The following EML5 variants were observed in gnomAD, a reference collection of about 807,000 sequenced individuals.
The protein encoded by EML5 is echinoderm microtubule-associated protein-like 5.
In EML5, 120 loss-of-function variants were observed where a neutral mutation model predicts 250.0. The observed-to-expected ratio is 0.48, with a 90% CI of 0.41 to 0.56. The LOEUF is 0.56. EML5 is among the 20% of genes least tolerant of loss of function. EML5 has a pLI of 0.00. For missense variants in EML5, 2,006 were observed against 2,437.6 expected (o/e 0.82, Z 3.73); for synonymous variants, 771 against 806.5 (o/e 0.96, Z 0.75).
At chr14:88,768,875 G>A (rs75626560) in intron 1 of EML5, among the ~76,000 whole-genome samples, 8,899 of 152,006 alleles carry the variant, frequency 0.059, 699 homozygotes, top group African/African-American at 0.17. Context: ...TTCTGGAAAG[G>A]GCTAGAGAGT....
chr14:88,638,291 TTCAAAACAGC>T (rs1181910373), intron 32 of EML5, among the ~76,000 whole-genome samples: 2 of 152,168 alleles, frequency 1.3e-5, no homozygotes, highest in East Asian at 3.9e-4. Flanking sequence ...ACAGGTATAT[TTCAAAACAGC>T]TCAAGACAGT....
intron 30 of EML5, 148 bp from the exon 31 acceptor site, chr14:88,643,170 C>T: frequency 1.4e-6 from 1 of 716,388 alleles, no homozygotes; most frequent in South Asian, 2.8e-5. Context: ...CAAAATTAAG[C>T]TACTCATACT....
chr14:88,780,699 C>A (rs1185617252), intron 1 of EML5, among the ~76,000 whole-genome samples: 1 of 152,162 alleles, frequency 6.6e-6, no homozygotes, highest in Non-Finnish European at 1.5e-5. Context: ...CCTCAGACTC[C>A]CAAGTACCTG....
chr14:88,670,488 C>A (rs920146502), intron 21 of EML5, among the ~76,000 whole-genome samples: 1 of 152,000 alleles, frequency 6.6e-6, no homozygotes, highest in South Asian at 2.1e-4. Context: ...GCTGCAAACT[C>A]AAAAAGCCAG....
rs557951996 is a variant in EML5, at chr14:88,714,262, C to A, written c.1444+677G>T. Among the ~76,000 whole-genome samples the A allele has an allele frequency of 3.6e-4, 55 of 152,266 alleles. 1 individual carries two copies. The South Asian group carries it at 1.0e-2, about 28-fold the overall frequency. The stretch of plus-strand genomic sequence containing the variant: ...TTGACTAAGATACAGTGGTACTTTA[C>A]CATACACTATACTCATGGTATGGTA... On this transcript the variant is annotated intron_variant, in intron 9 of 43. Coordinates refer to ENST00000554922, the MANE Select transcript of EML5 (RefSeq NM_183387.3).
intron 1 of EML5, among the ~76,000 whole-genome samples, chr14:88,780,584 T>C (rs564115944): frequency 6.6e-6 from 1 of 152,140 alleles, no homozygotes; most frequent in South Asian, 2.1e-4. Context: ...TTTTTTTTTT[T>C]CTTTTAAGAT....
intron 25 of EML5, among the ~76,000 whole-genome samples, chr14:88,660,523 A>C (rs2092050537): frequency 6.6e-6 from 1 of 152,002 alleles, no homozygotes; most frequent in Non-Finnish European, 1.5e-5. Flanking sequence ...TGGGCGGATC[A>C]CAAGGTCAGG....
intron 1 of EML5, among the ~76,000 whole-genome samples, chr14:88,778,428 A>G (rs1473509586): frequency 6.6e-6 from 1 of 152,186 alleles, no homozygotes; most frequent in Non-Finnish European, 1.5e-5. Flanking sequence ...TGTTAAGTAT[A>G]TATTATATTG....
chr14:88,633,278 TTTTA>T (rs935879711), intron 33 of EML5, among the ~76,000 whole-genome samples: 4 of 152,080 alleles, frequency 2.6e-5, no homozygotes, highest in African/African-American at 7.2e-5. Flanking sequence ...GTATTTTAGT[TTTTA>T]TTTATTTATT....
chr14:88,790,824 GATAA>G, intron 1 of EML5, among the ~76,000 whole-genome samples: 1 of 152,106 alleles, frequency 6.6e-6, no homozygotes, highest in Non-Finnish European at 1.5e-5. Context: ...TAACTAAGAA[GATAA>G]ATAATTACTA....
chr14:88,618,150 G>C, intron 41 of EML5, 78 bp downstream of exon 41: 1 of 1,206,032 alleles, frequency 8.3e-7, no homozygotes, highest in South Asian at 1.3e-5. Flanking sequence ...TATTGGAATG[G>C]CTCTAACAGT....
chr14:88,723,532 G>A (rs1406249225), intron 8 of EML5, among the ~76,000 whole-genome samples: 4 of 152,178 alleles, frequency 2.6e-5, no homozygotes, highest in Admixed American at 2.0e-4. Flanking sequence ...TATACTGTAT[G>A]GCACAGTGAT....
intron 1 of EML5, among the ~76,000 whole-genome samples, chr14:88,762,141 C>T (rs949790379): frequency 1.3e-5 from 2 of 152,100 alleles, no homozygotes; most frequent in African/African-American, 2.4e-5. Flanking sequence ...TGCCTGTTCG[C>T]TCTGATGATA....
At chr14:88,772,396 C>T (rs1445947129) in intron 1 of EML5, among the ~76,000 whole-genome samples, 1 of 152,194 alleles carries the variant, frequency 6.6e-6, no homozygotes, top group African/African-American at 2.4e-5. Context: ...TCGGTAAAAA[C>T]CCAATAGCTT....
chr14:88,656,317 G>A (rs2091867971), intron 27 of EML5, among the ~76,000 whole-genome samples: 1 of 152,168 alleles, frequency 6.6e-6, no homozygotes, highest in African/African-American at 2.4e-5. Context: ...GTCCTTTGCA[G>A]GGACATGGAT....
chr14:88,709,876 G>A (rs997705173), intron 10 of EML5, among the ~76,000 whole-genome samples: 3 of 152,142 alleles, frequency 2.0e-5, no homozygotes, highest in African/African-American at 7.2e-5. Flanking sequence ...ATGGAAAACA[G>A]CACTGAATCA....
chr14:88,687,198 C>T lies in EML5; in HGVS notation c.2854+18G>A. On this transcript the variant is annotated intron_variant, in intron 19 of 43. Transcript: ENST00000554922. ...ATCTTTTTTTCCTATACAAAAACCCCACTAAGTCTCAAATCACCTTTAGAT... is the reference window on the plus strand; with the variant it reads ...ATCTTTTTTTCCTATACAAAAACCCTACTAAGTCTCAAATCACCTTTAGAT... 6.3e-7 allele frequency: 1 copy of T among 1,576,896 alleles called. No homozygotes were observed. Among genetic ancestry groups the T allele is most frequent in the South Asian group, 1.2e-5 (1 of 86,318 alleles).
At position 88,688,474 on chromosome 14, in the gene EML5, CT is replaced by C. The variant is rs1358135894; in HGVS notation, c.2540-2del. On this transcript the variant is annotated splice_acceptor_variant, in intron 17 of 43. Coordinates refer to ENST00000554922, the MANE Select transcript of EML5 (RefSeq NM_183387.3). LOFTEE classifies it high-confidence loss of function. ...CCTTTTCTTCCAATCAATCCTCCCCCTAGTTCACAAAAAATATTATGAAAGT... is the reference window on the plus strand; with the variant it reads ...CCTTTTCTTCCAATCAATCCTCCCCCAGTTCACAAAAAATATTATGAAAGT... 31 of 1,612,868 alleles carry C rather than the reference CT, an allele frequency of 1.9e-5. No homozygotes were observed. Among genetic ancestry groups the C allele is most frequent in the Non-Finnish European group, 2.3e-5 (27 of 1,179,676 alleles).
At chr14:88,669,270 C>T (rs987038863) in intron 21 of EML5, among the ~76,000 whole-genome samples, 3 of 152,162 alleles carry the variant, frequency 2.0e-5, no homozygotes, top group Admixed American at 6.5e-5. Flanking sequence ...TACAGACTGC[C>T]GAAGACTACC....
Sources: gnomAD v4.1 joint callset for allele counts (sites outside exome capture counted in the v4.1 genomes callset) on GRCh38, gnomAD v4.1.1 for gene constraint, MANE v1.5 for transcripts, NCBI Gene and HGNC (gene_info 2026-07-23, HGNC 2026-07-21) for gene names.